MAP2K4: variants seen among roughly 807,000 people sequenced by gnomAD.
The protein encoded by MAP2K4 is mitogen-activated protein kinase kinase 4, also known as dual specificity mitogen-activated protein kinase kinase 4.
MAP2K4 carries 4 observed loss-of-function variants against 48.5 expected under a neutral mutation model. That is an observed-to-expected ratio of 0.08 (90% CI 0.04 to 0.19). The LOEUF is 0.19. MAP2K4 is among the 10% of genes least tolerant of loss of function. The pLI, the probability that MAP2K4 is intolerant of heterozygous loss-of-function variation, is 1.00. For synonymous variants in MAP2K4, 166 were observed against 173.1 expected (o/e 0.96, Z 0.32); for missense variants, 258 against 493.3 (o/e 0.52, Z 4.52).
At chr17:12,057,251 A>G (rs1209182830) in intron 2 of MAP2K4, among the ~76,000 whole-genome samples, 1 of 152,210 alleles carries the variant, frequency 6.6e-6, no homozygotes, top group East Asian at 1.9e-4. Context: ...TCATTTTAGA[A>G]AACCTACTTG....
At chr17:12,107,724 C>T (rs1231960661) in intron 4 of MAP2K4, 66 bp from the exon 5 acceptor site, 2 of 1,322,946 alleles carry the variant, frequency 1.5e-6, no homozygotes, top group African/African-American at 3.0e-5. Context: ...ATTGTATTTC[C>T]ATTTTAAGTA....
chr17:12,107,265 G>A (rs1238617425), intron 4 of MAP2K4, among the ~76,000 whole-genome samples: 1 of 152,038 alleles, frequency 6.6e-6, no homozygotes, highest in Non-Finnish European at 1.5e-5. Context: ...CAGGATAAGG[G>A]AGTGCCTGAT....
chr17:12,032,123 T>C (rs772047543), intron 1 of MAP2K4: 15 of 398,766 alleles, frequency 3.8e-5, no homozygotes, highest in Non-Finnish European at 6.7e-5. Context: ...TCATGTGTTA[T>C]TGTCTCTGGT....
intron 9 of MAP2K4, among the ~76,000 whole-genome samples, chr17:12,129,599 C>T (rs1044952081): frequency 9.9e-5 from 15 of 152,192 alleles, no homozygotes; most frequent in Admixed American, 3.3e-4. Context: ...GACTGATCAT[C>T]TTACTCTAAT....
At chr17:12,105,515 T>A (rs866101058) in intron 4 of MAP2K4, among the ~76,000 whole-genome samples, 1 of 152,122 alleles carries the variant, frequency 6.6e-6, no homozygotes, top group African/African-American at 2.4e-5. Flanking sequence ...GTTACCTTAG[T>A]AGTTGAGTTG....
In MAP2K4 at chr17:12,089,164, G is replaced by A. The variant is rs533328879; in HGVS notation, c.394-6411G>A. ...CCTGACCTCCTGATCCACCTGCCTC[G>A]GCCTCCTAAAGTGCTGGGATTACAG... On this transcript the variant is annotated intron_variant, in intron 3 of 10. Coordinates refer to ENST00000353533, the MANE Select transcript of MAP2K4 (RefSeq NM_003010.4). 1.2e-3 allele frequency among the ~76,000 whole-genome samples: 186 copies of A among 152,086 alleles called. 1 individual carries two copies. The highest frequency in any genetic ancestry group is 3.9e-3 in the African/African-American group (160 of 41,488).
intron 2 of MAP2K4, among the ~76,000 whole-genome samples, chr17:12,062,067 C>CT (rs1296286888): frequency 2.7e-5 from 4 of 147,290 alleles, no homozygotes; most frequent in Non-Finnish European, 6.0e-5. Flanking sequence ...TCTCCCCCCC[C>CT]TTTTTTTCTT....
intron 4 of MAP2K4, among the ~76,000 whole-genome samples, chr17:12,098,342 G>T (rs1971827126): frequency 6.6e-6 from 1 of 152,072 alleles, no homozygotes; most frequent in South Asian, 2.1e-4. Flanking sequence ...GCCAGGCGTG[G>T]TGGCACATGC....
At chr17:12,065,177 A>G (rs1597429401) in intron 2 of MAP2K4, among the ~76,000 whole-genome samples, 1 of 151,836 alleles carries the variant, frequency 6.6e-6, no homozygotes, top group East Asian at 1.9e-4. Context: ...ACATATGCTT[A>G]TGATTTGTGC....
intron 9 of MAP2K4, 52 bp from the exon 10 acceptor site, chr17:12,139,787 A>T: frequency 1.6e-6 from 2 of 1,282,858 alleles, no homozygotes; most frequent in South Asian, 2.6e-5. Context: ...AAAGAAAAAT[A>T]CTTAGGCAAA....
chr17:12,124,468 T>A (rs955625783), intron 7 of MAP2K4: 1 of 152,174 alleles, frequency 6.6e-6, no homozygotes, highest in African/African-American at 2.4e-5. Context: ...TTTACACATA[T>A]GTGTAGTGAT....
chr17:12,039,201 GAGA>G (rs1969698746), intron 1 of MAP2K4, among the ~76,000 whole-genome samples: 2 of 152,228 alleles, frequency 1.3e-5, no homozygotes, highest in Admixed American at 1.3e-4. Context: ...GGTACAGCTG[GAGA>G]AGATTAGTAG....
chr17:12,093,161 ACAAT>A (rs1489400216), intron 3 of MAP2K4, among the ~76,000 whole-genome samples: 1 of 151,706 alleles, frequency 6.6e-6, no homozygotes, highest in African/African-American at 2.4e-5. Flanking sequence ...CTTGAAAAGC[ACAAT>A]CAATTTCATG....
Position 12,028,287 on chromosome 17 carries a change from G to T in MAP2K4, c.115+7286G>T, listed in dbSNP as rs1969323785. 2.0e-5 allele frequency among the ~76,000 whole-genome samples: 3 copies of T among 152,200 alleles called. No homozygotes were observed. In the South Asian group the frequency reaches 6.2e-4, roughly 31 times the overall value. ...TTATGAGGACACTTGAATTTAAAAAGTGTGGAAGGGATTTGATGAGTATTT... is the reference window on the plus strand; with the variant it reads ...TTATGAGGACACTTGAATTTAAAAATTGTGGAAGGGATTTGATGAGTATTT... On this transcript the variant is annotated intron_variant, in intron 1 of 10. Coordinates refer to ENST00000353533, the MANE Select transcript of MAP2K4 (RefSeq NM_003010.4).
intron 1 of MAP2K4, among the ~76,000 whole-genome samples, chr17:12,035,917 C>T (rs1180168733): frequency 6.6e-6 from 1 of 152,144 alleles, no homozygotes; most frequent in African/African-American, 2.4e-5. Context: ...TGCTATGTCA[C>T]TCTCTTTTAA....
chr17:12,026,700 G>A (rs1411076130), intron 1 of MAP2K4, among the ~76,000 whole-genome samples: 2 of 152,206 alleles, frequency 1.3e-5, no homozygotes, highest in African/African-American at 4.8e-5. Flanking sequence ...CAGGTCTGAA[G>A]GAAGCATCTT....
intron 7 of MAP2K4, among the ~76,000 whole-genome samples, chr17:12,120,799 A>G (rs1972663750): frequency 6.6e-6 from 1 of 152,164 alleles, no homozygotes; most frequent in Admixed American, 6.5e-5. Flanking sequence ...CTTCTCACCT[A>G]AAAAAATAAA....
At chr17:12,049,679 C>A (rs927487830) in intron 1 of MAP2K4, among the ~76,000 whole-genome samples, 1 of 152,156 alleles carries the variant, frequency 6.6e-6, no homozygotes, top group Non-Finnish European at 1.5e-5. Context: ...AGCTGCAAGG[C>A]CTCATAAAGG....
At chr17:12,077,345 G>C (rs753157109) in intron 2 of MAP2K4, among the ~76,000 whole-genome samples, 2 of 152,152 alleles carry the variant, frequency 1.3e-5, no homozygotes, top group African/African-American at 4.8e-5. Flanking sequence ...CCTCCTTTGA[G>C]AATCCCTGGG....
Sources: gnomAD v4.1 joint callset for allele counts (sites outside exome capture counted in the v4.1 genomes callset) on GRCh38, gnomAD v4.1.1 for gene constraint, MANE v1.5 for transcripts, NCBI Gene and HGNC (gene_info 2026-07-23, HGNC 2026-07-21) for gene names.